PSIP1: variants seen among roughly 807,000 people sequenced by gnomAD.
PSIP1 encodes the protein PC4 and SFRS1-interacting protein.
PSIP1 carries 19 observed loss-of-function variants against 74.7 expected under a neutral mutation model. The ratio of observed to expected loss-of-function variants is 0.25; its 90% CI spans 0.18 to 0.37. The LOEUF (loss-of-function observed/expected upper bound fraction) is 0.37, where lower values mean the gene tolerates loss of function less well. Among genes scored for constraint, PSIP1 ranks in the 10% least tolerant of loss-of-function variants. PSIP1 has a pLI of 1.00. For missense variants in PSIP1, 601 were observed against 614.3 expected, an observed-to-expected ratio of 0.98 and a Z score of 0.23; for synonymous variants, 222 against 195.3, an observed-to-expected ratio of 1.14 and a Z score of -1.14.
intron 3 of PSIP1, among the ~76,000 whole-genome samples, chr9:15,504,056 CTTAAG>C (rs1242909079): frequency 6.6e-6 from 1 of 152,132 alleles, no homozygotes; most frequent in African/African-American, 2.4e-5. Context: ...AAAAATTAAT[CTTAAG>C]TACAAAAGAA....
intron 3 of PSIP1, among the ~76,000 whole-genome samples, 183 bp from the exon 4 acceptor site, chr9:15,490,307 T>C (rs2036764503): frequency 6.6e-6 from 1 of 152,212 alleles, no homozygotes; most frequent in Non-Finnish European, 1.5e-5. Context: ...CAAGCTACTA[T>C]TTAAATCCAT....
chr9:15,506,043 C>T (rs1254920134), intron 3 of PSIP1: 1 of 152,074 alleles, frequency 6.6e-6, no homozygotes, highest in Non-Finnish European at 1.5e-5. Context: ...CATACGTCAA[C>T]ATTCAGCTGC....
At chr9:15,483,885 T>C (rs1248829010) in intron 6 of PSIP1, among the ~76,000 whole-genome samples, 1 of 152,026 alleles carries the variant, frequency 6.6e-6, no homozygotes, top group Admixed American at 6.6e-5. Flanking sequence ...CCCAGCACTT[T>C]GGGAGGCAGA....
chr9:15,479,639 T>C lies in PSIP1; in HGVS notation c.505A>G (p.Thr169Ala), dbSNP rs2036249824. 4 of 1,611,254 alleles carry C rather than the reference T, an allele frequency of 2.5e-6. No homozygotes were observed. Among genetic ancestry groups the C allele is most frequent in the East Asian group, 4.5e-5 (2 of 44,596 alleles). Reference sequence around the variant, plus strand: ...CTCACTTTTAGATTAACAGATGCTGTTGCTGTTGTCACTACTCCTGCCTCC... The same window carrying C: ...CTCACTTTTAGATTAACAGATGCTGCTGCTGTTGTCACTACTCCTGCCTCC... Reference protein sequence around the residue: ...TEEAGVVTTATASVNLKVSPK... With the variant: ...TEEAGVVTTAAASVNLKVSPK... Residue 169 changes from threonine (T) to alanine (A), a missense_variant, in exon 7 of 16, where the codon ACA (threonine) becomes GCA (alanine). By Grantham distance (58) the Thr-to-Ala change is moderately conservative (BLOSUM62 0). Around this residue, in one of 2 missense-constraint regions of PSIP1, gnomAD observed 538 missense variants for 507.6 expected, o/e 1.06. Coordinates refer to ENST00000380733, the MANE Select transcript of PSIP1 (RefSeq NM_033222.5).
chr9:15,475,131 T>G (rs536478095), intron 8 of PSIP1, among the ~76,000 whole-genome samples: 1 of 152,210 alleles, frequency 6.6e-6, no homozygotes, highest in African/African-American at 2.4e-5. Flanking sequence ...AACTATTAAG[T>G]TGGAAGAGAA....
At chr9:15,480,907 C>A (rs149632468) in intron 6 of PSIP1, among the ~76,000 whole-genome samples, 26 of 152,228 alleles carry the variant, frequency 1.7e-4, no homozygotes, top group African/African-American at 5.3e-4. Flanking sequence ...GGCGACAGAG[C>A]AAGACTGTCT....
Position 15,469,269 on chromosome 9 carries a change from A to G in PSIP1, c.1101T>C (p.Asn367=). ...AEIKNSLKID[N]LDVNRCIEAL... ...TTAAATGAAGTTAAACACTTACAAG[A>G]TTATCAATTTTGAGTGAATTTTTAA... The change falls in exon 12 of 16, where the codon AAT becomes AAC. Residue 367 remains asparagine, a synonymous_variant. Coordinates refer to ENST00000380733, the MANE Select transcript of PSIP1 (RefSeq NM_033222.5). The G allele has an allele frequency of 1.3e-6, 2 of 1,543,770 alleles. No homozygotes were observed. Among genetic ancestry groups the G allele is most frequent in the Non-Finnish European group, 8.8e-7 (1 of 1,130,646 alleles).
intron 3 of PSIP1, among the ~76,000 whole-genome samples, chr9:15,504,358 T>C (rs774268105): frequency 6.6e-5 from 10 of 151,954 alleles, no homozygotes; most frequent in Non-Finnish European, 1.3e-4. Flanking sequence ...TATTTATATA[T>C]GAAAATCCTT....
intron 7 of PSIP1, among the ~76,000 whole-genome samples, chr9:15,478,937 T>A (rs1476905334): frequency 6.6e-6 from 1 of 152,024 alleles, no homozygotes; most frequent in Non-Finnish European, 1.5e-5. Flanking sequence ...ATATCAAAAT[T>A]CACTGAGTTT....
At chr9:15,466,569 A>G (rs2035640720) in intron 15 of PSIP1, among the ~76,000 whole-genome samples, 179 bp downstream of exon 15, 1 of 152,184 alleles carries the variant, frequency 6.6e-6, no homozygotes, top group African/African-American at 2.4e-5. Context: ...TGGCAAAGTC[A>G]CTGTCAATAA....
At chr9:15,501,755 C>T (rs12336509) in intron 3 of PSIP1, among the ~76,000 whole-genome samples, 36,293 of 149,530 alleles carry the variant, frequency 0.24, 7,868 homozygotes, top group African/African-American at 0.59. Flanking sequence ...GTTGTACCTC[C>T]GTATCCGTAA....
intron 2 of PSIP1, 111 bp from the exon 3 acceptor site, chr9:15,506,748 G>C (rs1427710283): frequency 9.2e-6 from 7 of 764,528 alleles, no homozygotes; most frequent in African/African-American, 1.7e-5. Flanking sequence ...AAATGGGCCA[G>C]TTCTGCAGGC....
chr9:15,492,900 A>C (rs988529402), intron 3 of PSIP1, among the ~76,000 whole-genome samples: 5 of 152,220 alleles, frequency 3.3e-5, no homozygotes, highest in African/African-American at 1.2e-4. Flanking sequence ...CAGCTGGGAC[A>C]CAGGGCACCA....
chr9:15,481,702 T>A (rs1185698435), intron 6 of PSIP1, among the ~76,000 whole-genome samples: 1 of 151,896 alleles, frequency 6.6e-6, no homozygotes, highest in African/African-American at 2.4e-5. Context: ...CAAAGAATTA[T>A]AGGTAAAAGA....
rs962473293 is a variant in PSIP1, at chr9:15,468,581, G to A, written c.1420+49C>T. 9 of 1,569,528 alleles carry A rather than the reference G, an allele frequency of 5.7e-6. No individual in the cohort carries two copies. In the African/African-American group the frequency reaches 8.1e-5, roughly 14 times the overall value. On this transcript the variant is annotated intron_variant, in intron 14 of 15. Transcript: ENST00000380733. The stretch of plus-strand genomic sequence containing the variant: ...AAAGCCATTTTTAAAAGCAGTCCTG[G>A]CAAATGGTTTAAAAACTGGTGTGAA...
At chr9:15,495,886 C>T (rs768032884) in intron 3 of PSIP1, among the ~76,000 whole-genome samples, 1 of 152,178 alleles carries the variant, frequency 6.6e-6, no homozygotes, top group East Asian at 1.9e-4. Flanking sequence ...TCTATATTCA[C>T]AAGGTAAGCT....
At position 15,485,988 on chromosome 9, in the gene PSIP1, G is replaced by T. The variant is rs1563881836; in HGVS notation, c.456+18C>A. 3.2e-6 allele frequency: 5 copies of T among 1,583,770 alleles called. No homozygotes were observed. The highest frequency in any genetic ancestry group is 2.6e-6 in the Non-Finnish European group (3 of 1,154,462). ...AATTCTTTTCAGATCCCCATGGTTG[G>T]TAAGTCAGTGAAATTACCTTTCTCT... On this transcript the variant is annotated intron_variant, in intron 6 of 15. Transcript: ENST00000380733.
At chr9:15,482,561 C>T (rs1252951316) in intron 6 of PSIP1, among the ~76,000 whole-genome samples, 1 of 152,166 alleles carries the variant, frequency 6.6e-6, no homozygotes, top group Non-Finnish European at 1.5e-5. Context: ...TGTTAAGAGA[C>T]TGAAACATCC....
intron 2 of PSIP1, among the ~76,000 whole-genome samples, chr9:15,506,890 A>G (rs2037614829): frequency 6.6e-6 from 1 of 152,184 alleles, no homozygotes; most frequent in Non-Finnish European, 1.5e-5. Context: ...ACCTGTTTCC[A>G]CTGTTGTTTC....
Sources: allele counts gnomAD v4.1 joint callset (sites outside exome capture counted in the v4.1 genomes callset), GRCh38; gene constraint gnomAD v4.1.1; regional missense constraint gnomAD v4.1.1; transcripts MANE v1.5; gene names NCBI Gene and HGNC (gene_info 2026-07-23, HGNC 2026-07-21).